MNAT1: variants seen among roughly 807,000 people sequenced by gnomAD.
The protein encoded by MNAT1 is CDK-activating kinase assembly factor MAT1.
MNAT1 carries 43 observed loss-of-function variants against 42.0 expected under a neutral mutation model. That is an observed-to-expected ratio of 1.02 (90% confidence interval 0.80 to 1.32). The LOEUF is 1.32. MNAT1 is among the 40% of genes most tolerant of loss of function. MNAT1 has a pLI of 0.00. For missense variants in MNAT1, 306 were observed against 350.4 expected (o/e 0.87, Z 1.01); for synonymous variants, 118 against 120.0 (o/e 0.98, Z 0.11).
At chr14:60,937,645 G>C (rs897466790) in intron 7 of MNAT1, among the ~76,000 whole-genome samples, 9 of 152,184 alleles carry the variant, frequency 5.9e-5, no homozygotes, top group African/African-American at 1.9e-4. Context: ...TTGTAATATA[G>C]TTTGAAGTCA....
chr14:60,835,855 C>T (rs539445282), intron 6 of MNAT1, among the ~76,000 whole-genome samples: 6 of 152,216 alleles, frequency 3.9e-5, no homozygotes, highest in Non-Finnish European at 7.3e-5. Context: ...TTCTTTCCGT[C>T]ACTTTCAGGT....
chr14:60,951,266 CTT>C (rs33970682), intron 7 of MNAT1, among the ~76,000 whole-genome samples: 11 of 87,872 alleles, frequency 1.3e-4, no homozygotes, highest in African/African-American at 3.1e-4. Context: ...CTTCCCCTCC[CTT>C]TTTTTTTTTT....
intron 6 of MNAT1, among the ~76,000 whole-genome samples, chr14:60,844,614 A>G (rs1421646986): frequency 6.6e-6 from 1 of 151,914 alleles, no homozygotes; most frequent in Non-Finnish European, 1.5e-5. Context: ...AGGATTGTTT[A>G]TATAAACAAT....
At chr14:60,910,851 G>T (rs991672054) in intron 7 of MNAT1, among the ~76,000 whole-genome samples, 3 of 152,156 alleles carry the variant, frequency 2.0e-5, no homozygotes, top group Admixed American at 1.3e-4. Context: ...AATGCATTAG[G>T]GAGGATTCCC....
chr14:60,890,097 C>G (rs1005278811), intron 7 of MNAT1, among the ~76,000 whole-genome samples: 1 of 152,186 alleles, frequency 6.6e-6, no homozygotes, highest in Non-Finnish European at 1.5e-5. Flanking sequence ...CATCCCATTA[C>G]TGGGTATATA....
At chr14:60,879,141 T>C (rs558194588) in intron 6 of MNAT1, among the ~76,000 whole-genome samples, 21 of 152,192 alleles carry the variant, frequency 1.4e-4, no homozygotes, top group Non-Finnish European at 2.4e-4. Flanking sequence ...ATTTGTAAAC[T>C]GCTGATTTCT....
intron 1 of MNAT1, among the ~76,000 whole-genome samples, chr14:60,766,575 G>T (rs1431348804): frequency 6.6e-6 from 1 of 151,754 alleles, no homozygotes; most frequent in Non-Finnish European, 1.5e-5. Flanking sequence ...AGCTGGGTGT[G>T]GTGGCGCATG....
At chr14:60,936,480 G>T (rs1190426471) in intron 7 of MNAT1, among the ~76,000 whole-genome samples, 1 of 149,398 alleles carries the variant, frequency 6.7e-6, no homozygotes, top group Admixed American at 6.8e-5. Flanking sequence ...GCGGTGTTTG[G>T]TTTTTTGTCC....
chr14:60,793,004 A>G (rs1458663763), intron 1 of MNAT1, among the ~76,000 whole-genome samples: 1 of 151,002 alleles, frequency 6.6e-6, no homozygotes, highest in East Asian at 1.9e-4. Flanking sequence ...ATTATCAACT[A>G]CTACTTCTTC....
intron 6 of MNAT1, among the ~76,000 whole-genome samples, chr14:60,849,727 C>T (rs2033773547): frequency 6.6e-6 from 1 of 152,026 alleles, no homozygotes; most frequent in Non-Finnish European, 1.5e-5. Context: ...AATTCTTTTT[C>T]CATTGTACCA....
intron 7 of MNAT1, among the ~76,000 whole-genome samples, chr14:60,928,659 C>A (rs1285283388): frequency 2.6e-5 from 4 of 151,874 alleles, no homozygotes; most frequent in Non-Finnish European, 5.9e-5. Flanking sequence ...GATGTCTGTT[C>A]AGATCTTTTA....
At chr14:60,735,054 GT>G in intron 1 of MNAT1, 103 bp downstream of exon 1, 1 of 1,069,404 alleles carries the variant, frequency 9.4e-7, no homozygotes. Context: ...GGCGTTGTTA[GT>G]TTCAACACTG....
intron 1 of MNAT1, among the ~76,000 whole-genome samples, chr14:60,774,798 A>G (rs2031188227): frequency 6.6e-6 from 1 of 152,208 alleles, no homozygotes; most frequent in African/African-American, 2.4e-5. Flanking sequence ...GGCATTAGCA[A>G]CTATGTGGAT....
chr14:60,960,552 A>G (rs564111319), intron 7 of MNAT1, among the ~76,000 whole-genome samples: 10 of 152,236 alleles, frequency 6.6e-5, no homozygotes, highest in African/African-American at 1.7e-4. Flanking sequence ...TGTCTCTACT[A>G]TAATCACTTC....
chr14:60,806,199 G>A (rs1208169216), intron 3 of MNAT1, among the ~76,000 whole-genome samples: 1 of 152,194 alleles, frequency 6.6e-6, no homozygotes, highest in Non-Finnish European at 1.5e-5. Context: ...TAGGAAGTGG[G>A]TAAATGCCAG....
chr14:60,954,324 C>T (rs2036439681), intron 7 of MNAT1, among the ~76,000 whole-genome samples: 1 of 152,108 alleles, frequency 6.6e-6, no homozygotes. Context: ...ATTTTATGGA[C>T]ATTTTATCAA....
chr14:60,791,341 T>C lies in MNAT1; in HGVS notation c.90-4876T>C, dbSNP rs138886634. On this transcript the variant is annotated intron_variant, in intron 1 of 7. Coordinates refer to ENST00000261245, the MANE Select transcript of MNAT1 (RefSeq NM_002431.4). Reference sequence around the variant, plus strand: ...CTTCTGAAAGTCTACTATCTCTTCATAATGTTTTAATACCTGCTCCCAGGC... The same window carrying C: ...CTTCTGAAAGTCTACTATCTCTTCACAATGTTTTAATACCTGCTCCCAGGC... Among the ~76,000 whole-genome samples, 261 of 152,256 alleles carry C rather than the reference T, an allele frequency of 1.7e-3. 1 individual carries two copies. Among genetic ancestry groups the C allele is most frequent in the African/African-American group, 5.9e-3 (247 of 41,568 alleles).
chr14:60,746,757 T>C (rs969709912), intron 1 of MNAT1, among the ~76,000 whole-genome samples: 6 of 150,334 alleles, frequency 4.0e-5, no homozygotes, highest in African/African-American at 1.5e-4. Context: ...AGTGTGCTAA[T>C]ATACTTAGTT....
At chr14:60,913,623 G>T (rs944878258) in intron 7 of MNAT1, among the ~76,000 whole-genome samples, 1 of 152,156 alleles carries the variant, frequency 6.6e-6, no homozygotes. Context: ...GTATCAGCAG[G>T]GGAGGCTGCA....
Sources: gnomAD v4.1 joint callset for allele counts (sites outside exome capture counted in the v4.1 genomes callset) on GRCh38, gnomAD v4.1.1 for gene constraint, MANE v1.5 for transcripts, NCBI Gene and HGNC (gene_info 2026-07-23, HGNC 2026-07-21) for gene names.